The following EPHA3 variants were observed in gnomAD, a reference collection of about 807,000 sequenced individuals.
The protein encoded by EPHA3 is ephrin type-A receptor 3.
EPHA3 carries 42 observed loss-of-function variants against 107.1 expected under a neutral mutation model. The observed-to-expected ratio is 0.39, with a 90% CI of 0.31 to 0.51. The LOEUF is 0.51. EPHA3 is among the 20% of genes least tolerant of loss of function. The pLI, the probability that EPHA3 is intolerant of heterozygous loss-of-function variation, is 0.78. For missense variants in EPHA3, 1,183 were observed against 1,211.2 expected (o/e 0.98, Z 0.35); for synonymous variants, 461 against 424.8 (o/e 1.09, Z -1.05).
At chr3:89,168,958 C>T (rs1705145484) in intron 2 of EPHA3, among the ~76,000 whole-genome samples, 1 of 149,304 alleles carries the variant, frequency 6.7e-6, no homozygotes, top group African/African-American at 2.6e-5. Flanking sequence ...TTATATAAAG[C>T]TCCTCTTTTA....
intron 2 of EPHA3, among the ~76,000 whole-genome samples, chr3:89,160,222 C>T (rs2107067915): frequency 6.6e-6 from 1 of 151,864 alleles, no homozygotes; most frequent in East Asian, 1.9e-4. Flanking sequence ...ATGGATCTCA[C>T]ATTTCTTCTG....
chr3:89,366,046 T>C (rs76039291), intron 5 of EPHA3, among the ~76,000 whole-genome samples: 2,271 of 150,692 alleles, frequency 0.015, 61 homozygotes, highest in African/African-American at 0.052. Flanking sequence ...ACACTAATGA[T>C]AGCCCAAATG....
intron 3 of EPHA3, among the ~76,000 whole-genome samples, chr3:89,317,598 T>C (rs1471638060): frequency 6.6e-6 from 1 of 151,822 alleles, no homozygotes; most frequent in African/African-American, 2.4e-5. Context: ...TGATATATTG[T>C]AGGTAAAAAA....
At chr3:89,353,083 T>C (rs1388587010) in intron 5 of EPHA3, among the ~76,000 whole-genome samples, 7 of 151,116 alleles carry the variant, frequency 4.6e-5, no homozygotes, top group African/African-American at 1.7e-4. Flanking sequence ...AAATAACTCA[T>C]GTTGAAGATA....
chr3:89,433,601 A>AT (rs962138794), intron 13 of EPHA3, among the ~76,000 whole-genome samples: 121 of 151,916 alleles, frequency 8.0e-4, no homozygotes, highest in African/African-American at 2.7e-3. Flanking sequence ...ATGAATCTAA[A>AT]TTTTTTTTTA....
In EPHA3 at chr3:89,354,844, T is replaced by C. The variant is rs1210699926; in HGVS notation, c.1306+12754T>C. Among the ~76,000 whole-genome samples, 3 of 151,052 alleles carry C rather than the reference T, an allele frequency of 2.0e-5. 1 individual carries two copies. Among genetic ancestry groups the C allele is most frequent in the Non-Finnish European group, 4.4e-5 (3 of 67,480 alleles). On this transcript the variant is annotated intron_variant, in intron 5 of 16. Transcript: ENST00000336596. ...AGAGCCCCTATCTACATATTCTTTTTCCTATGGGTTGCAAAGGAGAGGCTT... is the reference window on the plus strand; with the variant it reads ...AGAGCCCCTATCTACATATTCTTTTCCCTATGGGTTGCAAAGGAGAGGCTT...
intron 1 of EPHA3, 69 bp downstream of exon 1, chr3:89,107,905 C>T (rs1707011965): frequency 6.7e-7 from 1 of 1,491,116 alleles, no homozygotes; most frequent in African/African-American, 1.4e-5. Context: ...CACGTTCTCA[C>T]CGAAGCCTTG....
At chr3:89,420,691 C>T (rs1372346138) in intron 11 of EPHA3, among the ~76,000 whole-genome samples, 1 of 151,388 alleles carries the variant, frequency 6.6e-6, no homozygotes, top group African/African-American at 2.4e-5. Context: ...TATGTCTGTA[C>T]AGTTACAGTA....
intron 5 of EPHA3, among the ~76,000 whole-genome samples, chr3:89,369,115 G>T (rs1708241507): frequency 6.6e-6 from 1 of 150,498 alleles, no homozygotes; most frequent in Non-Finnish European, 1.5e-5. Context: ...TCAATGACAA[G>T]AGAGACTGGG....
chr3:89,208,477 A>AGAAAGAAGGAAG (rs761847794), intron 2 of EPHA3, among the ~76,000 whole-genome samples: 1 of 133,286 alleles, frequency 7.5e-6, no homozygotes, highest in Non-Finnish European at 1.6e-5. Context: ...AAAGAAAGAA[A>AGAAAGAAGGAAG]GAAAGAGAAA....
intron 1 of EPHA3, among the ~76,000 whole-genome samples, chr3:89,109,072 C>G (rs1707039226): frequency 6.6e-6 from 1 of 152,068 alleles, no homozygotes; most frequent in Non-Finnish European, 1.5e-5. Context: ...CTGCCTGATA[C>G]TCGGTGACCT....
At chr3:89,351,796 C>A (rs183635484) in intron 5 of EPHA3, among the ~76,000 whole-genome samples, 1 of 150,818 alleles carries the variant, frequency 6.6e-6, no homozygotes, top group Non-Finnish European at 1.5e-5. Flanking sequence ...CACTCATATC[C>A]AAATGGCAAA....
intron 3 of EPHA3, among the ~76,000 whole-genome samples, chr3:89,310,103 A>T (rs1383849220): frequency 6.6e-6 from 1 of 152,042 alleles, no homozygotes; most frequent in Non-Finnish European, 1.5e-5. Context: ...CAATTGTTAA[A>T]ATGTTCACTG....
chr3:89,210,309 G>A lies in EPHA3; in HGVS notation c.603G>A (p.Lys201=). The A allele has an allele frequency of 1.2e-6, 2 of 1,613,736 alleles. No individual in the cohort carries two copies. Among genetic ancestry groups the A allele is most frequent in the Non-Finnish European group, 8.5e-7 (1 of 1,179,838 alleles). The part of the protein sequence containing the change: ...ALVSVRVYFK[K]CPFTVKNLAM... Reference sequence around the variant, plus strand: ...TGTCTGTGAGAGTATACTTCAAAAAGTGCCCATTTACAGTGAAGAATCTGG... The same window carrying A: ...TGTCTGTGAGAGTATACTTCAAAAAATGCCCATTTACAGTGAAGAATCTGG... The change falls in exon 3 of 17, where the codon AAG becomes AAA. Residue 201 remains lysine, a synonymous_variant. Transcript: ENST00000336596.
At chr3:89,217,131 A>T (rs965842147) in intron 3 of EPHA3, among the ~76,000 whole-genome samples, 3 of 152,066 alleles carry the variant, frequency 2.0e-5, no homozygotes, top group African/African-American at 7.2e-5. Context: ...AACTTATGAG[A>T]GCTAATAAGG....
intron 2 of EPHA3, among the ~76,000 whole-genome samples, chr3:89,149,640 C>G (rs1238201929): frequency 2.8e-5 from 4 of 143,406 alleles, no homozygotes; most frequent in Admixed American, 2.8e-4. Context: ...CCCCTCCCCC[C>G]TCCCCACAAC....
intron 3 of EPHA3, among the ~76,000 whole-genome samples, chr3:89,264,444 C>T (rs1393886703): frequency 6.6e-6 from 1 of 152,136 alleles, no homozygotes; most frequent in East Asian, 1.9e-4. Flanking sequence ...CTCTTCCCCA[C>T]CAACTCCTAC....
chr3:89,403,152 A>G (rs1708997866), intron 7 of EPHA3, among the ~76,000 whole-genome samples: 1 of 152,104 alleles, frequency 6.6e-6, no homozygotes, highest in Non-Finnish European at 1.5e-5. Context: ...AAAATATCTT[A>G]TTTTTGTATG....
intron 2 of EPHA3, among the ~76,000 whole-genome samples, chr3:89,178,394 T>C (rs1406044044): frequency 1.3e-5 from 2 of 152,130 alleles, no homozygotes; most frequent in Admixed American, 1.3e-4. Context: ...AGCATACGTA[T>C]AATTACACAT....
Sources: gnomAD v4.1 joint callset for allele counts (sites outside exome capture counted in the v4.1 genomes callset) on GRCh38, gnomAD v4.1.1 for gene constraint, MANE v1.5 for transcripts, NCBI Gene and HGNC (gene_info 2026-07-23, HGNC 2026-07-21) for gene names.